Variants in LDLRAD4 observed in about 807,000 individuals in gnomAD.
LDLRAD4 encodes low-density lipoprotein receptor class A domain-containing protein 4.
LDLRAD4 carries 5 observed loss-of-function variants against 17.0 expected under a neutral mutation model. That is an observed-to-expected ratio of 0.29 (90% CI 0.15 to 0.62). LDLRAD4 has a LOEUF of 0.62. LDLRAD4 is among the 20% of genes least tolerant of loss of function. LDLRAD4 has a pLI of 0.84. For synonymous variants in LDLRAD4, 168 were observed against 171.8 expected (o/e 0.98, Z 0.17); for missense variants, 340 against 424.7 (o/e 0.80, Z 1.75).
intron 3 of LDLRAD4, among the ~76,000 whole-genome samples, chr18:13,504,577 G>A (rs2093661643): frequency 2.0e-5 from 3 of 152,214 alleles, no homozygotes; most frequent in South Asian, 4.2e-4. Context: ...ACAGGCATGC[G>A]CTATCACGCC....
chr18:13,540,136 T>C (rs1036515804), intron 3 of LDLRAD4, among the ~76,000 whole-genome samples: 1 of 152,212 alleles, frequency 6.6e-6, no homozygotes, highest in Non-Finnish European at 1.5e-5. Flanking sequence ...TAAAACAGAA[T>C]ATTTTGTTTG....
rs138434865 is a variant in LDLRAD4 at position 13,562,531 on chromosome 18, T to C, written c.182-58586T>C. ...TACATGTATATACATTGTGGACTGA[T>C]GATGACAGTCAGGCTCACATGTTCA... On this transcript the variant is annotated intron_variant, in intron 3 of 5. Coordinates refer to ENST00000359446, the Ensembl canonical transcript of LDLRAD4. 4.5e-4 allele frequency among the ~76,000 whole-genome samples: 69 copies of C among 152,346 alleles called. 1 individual carries two copies. In the East Asian group the frequency reaches 0.011, roughly 24 times the overall value.
intron 3 of LDLRAD4, among the ~76,000 whole-genome samples, chr18:13,619,191 A>T (rs1438491716): frequency 1.3e-5 from 2 of 152,220 alleles, no homozygotes; most frequent in South Asian, 2.1e-4. Context: ...GGGGCTCCGG[A>T]CTCAGCCTGG....
At chr18:13,632,795 G>A (rs1181721399) in intron 4 of LDLRAD4, among the ~76,000 whole-genome samples, 1 of 152,252 alleles carries the variant, frequency 6.6e-6, no homozygotes, top group Non-Finnish European at 1.5e-5. Context: ...AGAAGTTGGA[G>A]AGAAGCTTCA....
intron 2 of LDLRAD4, among the ~76,000 whole-genome samples, chr18:13,388,884 G>A: frequency 6.6e-6 from 1 of 152,358 alleles, no homozygotes; most frequent in African/African-American, 2.4e-5. Flanking sequence ...CTGTGACATG[G>A]GGTCTCAGTG....
At chr18:13,388,793 C>T (rs1283093648) in intron 2 of LDLRAD4, among the ~76,000 whole-genome samples, 4 of 152,234 alleles carry the variant, frequency 2.6e-5, no homozygotes, top group Non-Finnish European at 4.4e-5. Flanking sequence ...CAAGGAAGAA[C>T]GAGGGGACGG....
At chr18:13,510,179 T>G (rs143695368) in intron 3 of LDLRAD4, among the ~76,000 whole-genome samples, 4 of 152,328 alleles carry the variant, frequency 2.6e-5, no homozygotes, top group Non-Finnish European at 5.9e-5. Context: ...GTTATTTAAC[T>G]AAATCATGGG....
At chr18:13,643,570 G>A (rs1255628625) in intron 5 of LDLRAD4, among the ~76,000 whole-genome samples, 158 bp downstream of exon 6, 1 of 152,202 alleles carries the variant, frequency 6.6e-6, no homozygotes, top group African/African-American at 2.4e-5. Context: ...GTCAAAAGCG[G>A]GAGGGGACTT....
intron 1 of LDLRAD4, among the ~76,000 whole-genome samples, chr18:13,244,824 G>C (rs2042877066): frequency 6.6e-6 from 1 of 152,196 alleles, no homozygotes; most frequent in Non-Finnish European, 1.5e-5. Context: ...GAGATTTGCT[G>C]TCTTCATGGA....
At chr18:13,245,508 C>T (rs1405293699) in intron 1 of LDLRAD4, among the ~76,000 whole-genome samples, 2 of 152,186 alleles carry the variant, frequency 1.3e-5, no homozygotes, top group East Asian at 1.9e-4. Flanking sequence ...AACCGAGGAT[C>T]GGGTAGATTA....
Position 13,621,330 on chromosome 18 carries a change from C to T in LDLRAD4, c.336+59C>T. The T allele has an allele frequency of 7.2e-7, 1 of 1,385,530 alleles. No homozygotes were observed. The highest frequency in any genetic ancestry group is 1.0e-6 in the Non-Finnish European group (1 of 984,476). The allele number at this position is 1,385,530 out of a possible 1,614,324, so 85.8% of individuals were successfully genotyped here. ...GGCAGCTGCAAGAGGCTTAGGAGCC[C>T]ATCAGGGTTCAGAGGCCGGGAGTGC... On this transcript the variant is annotated intron_variant, in intron 4 of 5. Coordinates refer to ENST00000359446, the Ensembl canonical transcript of LDLRAD4. The surrounding 1 kb of genome is among the most constrained non-coding windows in gnomAD (Gnocchi z 5.5).
At chr18:13,599,850 A>G (rs931433468) in intron 3 of LDLRAD4, among the ~76,000 whole-genome samples, 3 of 152,226 alleles carry the variant, frequency 2.0e-5, no homozygotes, top group Non-Finnish European at 2.9e-5. Flanking sequence ...ATATATGTGG[A>G]CAAGTCATGT....
intron 3 of LDLRAD4, among the ~76,000 whole-genome samples, chr18:13,532,797 C>G (rs1393830557): frequency 8.5e-5 from 13 of 152,200 alleles, no homozygotes; most frequent in Admixed American, 8.5e-4. Context: ...AGGGTGGAAG[C>G]CTTCTTTGCT....
chr18:13,574,764 G>A lies in LDLRAD4; in HGVS notation c.182-46353G>A, dbSNP rs369508080. On this transcript the variant is annotated intron_variant, in intron 3 of 5. Transcript: ENST00000359446. ...ATCTTACAAATTATTGTGAAGTGTT[G>A]GAAACAAAGAGCTTCCTGCTTCTTT... Among the ~76,000 whole-genome samples, 7 of 152,182 alleles carry A rather than the reference G, an allele frequency of 4.6e-5. No homozygotes were observed. In the South Asian group the frequency reaches 8.3e-4, roughly 18 times the overall value.
At chr18:13,543,268 G>A (rs1026723241) in intron 3 of LDLRAD4, 12 of 152,186 alleles carry the variant, frequency 7.9e-5, no homozygotes, top group Admixed American at 4.6e-4. Flanking sequence ...TGGAACTAGA[G>A]GTCTTGAGCT....
chr18:13,529,221 C>T lies in LDLRAD4; in HGVS notation c.181+90837C>T, dbSNP rs560998753. Among the ~76,000 whole-genome samples the T allele has an allele frequency of 5.3e-5, 8 of 152,350 alleles. No individual in the cohort carries two copies. In the East Asian group the frequency reaches 1.2e-3, roughly 22 times the overall value. On this transcript the variant is annotated intron_variant, in intron 3 of 5. Coordinates refer to ENST00000359446, the Ensembl canonical transcript of LDLRAD4. Reference sequence around the variant, plus strand: ...TGGCAGTCCTGGGCCCCCAGTTGCCCGGCACTGGCCAAAGGCCCATGTACC... The same window carrying T: ...TGGCAGTCCTGGGCCCCCAGTTGCCTGGCACTGGCCAAAGGCCCATGTACC...
intron 2 of LDLRAD4, among the ~76,000 whole-genome samples, chr18:13,412,419 T>C (rs1475195802): frequency 1.3e-5 from 2 of 152,204 alleles, no homozygotes; most frequent in Non-Finnish European, 2.9e-5. Flanking sequence ...ATATCTCCCT[T>C]ATAAAGAAGT....
At position 13,645,616 on chromosome 18, in the gene LDLRAD4, C is replaced by T. The variant is rs1163725670; in HGVS notation, c.880C>T (p.Pro294Ser). ...GAACAATGCAGAGAGCACAATAGTA[C>T]CCATCAAAGGCAAAGATAGGAAGCC... The change falls in exon 6 of 6, where the codon CCC becomes TCC. Residue 294 changes from proline to serine, a missense_variant. Pro to Ser is a moderately conservative substitution (Grantham distance 74). Transcript: ENST00000359446. The surrounding 1 kb of genome is among the most constrained non-coding windows in gnomAD (Gnocchi z 5.7). The T allele has an allele frequency of 2.6e-6, 4 of 1,530,188 alleles. No individual in the cohort carries two copies. Among genetic ancestry groups the T allele is most frequent in the African/African-American group, 2.8e-5 (2 of 72,208 alleles). The allele number at this position is 1,530,188 out of a possible 1,614,324, so 94.8% of individuals were successfully genotyped here.
At chr18:13,369,813 T>C (rs1467083969) in intron 1 of LDLRAD4, among the ~76,000 whole-genome samples, 1 of 152,196 alleles carries the variant, frequency 6.6e-6, no homozygotes. Context: ...GGTAATAAAC[T>C]CCACGTGGGC....
Sources: allele counts gnomAD v4.1 joint callset (sites outside exome capture counted in the v4.1 genomes callset), GRCh38; gene constraint gnomAD v4.1.1; non-coding constraint Gnocchi (gnomAD v3.1); transcripts MANE v1.5; gene names NCBI Gene and HGNC (gene_info 2026-07-23, HGNC 2026-07-21).